The following RP1 variants were observed in gnomAD, a reference collection of about 807,000 sequenced individuals.
RP1 encodes the protein RP1 axonemal microtubule associated, also known as oxygen-regulated protein 1.
Under a neutral mutation model 14.8 loss-of-function variants are expected in RP1, and 16 were observed. The observed-to-expected ratio is 1.08, with a 90% CI of 0.73 to 1.65. The LOEUF (loss-of-function observed/expected upper bound fraction) is 1.65, where lower values mean the gene tolerates loss of function less well. Among genes scored for constraint, RP1 ranks in the 40% most tolerant of loss-of-function variants. RP1 has a pLI of 0.00. For synonymous variants in RP1, 876 were observed against 883.6 expected (o/e 0.99, Z 0.15); for missense variants, 2,631 against 2,535.0 (o/e 1.04, Z -0.81).
chr8:54,608,471 G>A (rs1805513892), intron 1 of RP1, among the ~76,000 whole-genome samples: 1 of 152,100 alleles, frequency 6.6e-6, no homozygotes, highest in African/African-American at 2.4e-5. Context: ...AAATGACTTG[G>A]CCGAAAGAAT....
At chr8:54,753,704 AT>A (rs1344968505) in intron 19 of RP1, among the ~76,000 whole-genome samples, 1 of 152,134 alleles carries the variant, frequency 6.6e-6, no homozygotes, top group African/African-American at 2.4e-5. Flanking sequence ...TGTATTGAGG[AT>A]TTGGGATTTT....
intron 1 of RP1, among the ~76,000 whole-genome samples, chr8:54,570,786 C>G (rs1325874885): frequency 6.6e-6 from 1 of 152,134 alleles, no homozygotes; most frequent in African/African-American, 2.4e-5. Flanking sequence ...CATAATTTAT[C>G]TTTTCAGCCT....
intron 24 of RP1, among the ~76,000 whole-genome samples, chr8:54,830,615 T>A (rs1056760035): frequency 2.6e-5 from 4 of 152,174 alleles, no homozygotes; most frequent in African/African-American, 9.6e-5. Context: ...TAGCATATTG[T>A]TAGATGTTAC....
intron 24 of RP1, among the ~76,000 whole-genome samples, chr8:54,793,462 T>G (rs1810515858): frequency 6.6e-6 from 1 of 152,034 alleles, no homozygotes; most frequent in South Asian, 2.1e-4. Context: ...CAATAGCACA[T>G]TAAAGTATCA....
At chr8:54,864,646 C>A (rs938788703) in intron 27 of RP1, among the ~76,000 whole-genome samples, 1 of 152,160 alleles carries the variant, frequency 6.6e-6, no homozygotes, top group East Asian at 1.9e-4. Flanking sequence ...TGCAGAGCAG[C>A]GCTGCCTGTA....
chr8:54,765,979 T>C (rs868661278), intron 22 of RP1, among the ~76,000 whole-genome samples: 2 of 151,742 alleles, frequency 1.3e-5, no homozygotes, highest in Non-Finnish European at 2.9e-5. Flanking sequence ...ATTTAGCAAA[T>C]ATTTATAGAT....
rs1296136681 is a variant in RP1 at position 54,783,686 on chromosome 8, C to T, written c.3591C>T (p.Asn1197=). 3.2e-6 allele frequency: 4 copies of T among 1,231,244 alleles called. No individual in the cohort carries two copies. The South Asian group carries it at 1.6e-4, about 51-fold the overall frequency. 76.3% of individuals were successfully genotyped at this position (1,231,244 alleles called of 1,614,324 possible). A position where few individuals can be genotyped will look rare whatever the true frequency, so the allele number is the denominator to read the frequency against. ...GATCTGGGAAACACCAGCTGTTTAACCCTAACACTGCAGATATATTCAAGG... is the reference window on the plus strand; with the variant it reads ...GATCTGGGAAACACCAGCTGTTTAATCCTAACACTGCAGATATATTCAAGG... The change falls in exon 24 of 29, where the codon AAC becomes AAT. Residue 1197 remains asparagine (N), a synonymous_variant. Coordinates refer to the RP1 transcript ENST00000637698.
At position 54,627,700 on chromosome 8, in the gene RP1, C is replaced by T. The variant is rs1806109912; in HGVS notation, c.3818C>T (p.Thr1273Ile). Reference sequence around the variant, plus strand: ...AATAAGGCTTATTCTCCAAAAGAGACATGTAACCCCAGTGACACTTTTTTT... The same window carrying T: ...AATAAGGCTTATTCTCCAAAAGAGATATGTAACCCCAGTGACACTTTTTTT... ...TVNKAYSPKETCNPSDTFFPS... is the reference protein window; with the variant it reads ...TVNKAYSPKEICNPSDTFFPS... Residue 1273 changes from threonine to isoleucine, a missense_variant, in exon 4 of 4, where the codon ACA (threonine) becomes ATA (isoleucine). Physicochemically the swap from Thr to Ile is moderately conservative, Grantham distance 89. Transcript: ENST00000220676. 1.2e-6 allele frequency: 2 copies of T among 1,614,140 alleles called. No homozygotes were observed. Among genetic ancestry groups the T allele is most frequent in the Non-Finnish European group, 1.7e-6 (2 of 1,179,972 alleles).
At chr8:54,823,728 G>A (rs190564471) in intron 24 of RP1, among the ~76,000 whole-genome samples, 1 of 152,264 alleles carries the variant, frequency 6.6e-6, no homozygotes, top group Non-Finnish European at 1.5e-5. Context: ...CTCATTTCCA[G>A]TTTGGGGCTG....
chr8:54,639,488 A>G lies in RP1; in HGVS notation c.788-9497A>G, dbSNP rs111318421. Among the ~76,000 whole-genome samples the G allele has an allele frequency of 7.6e-3, 1,163 of 152,258 alleles. 19 individuals are homozygous for G. The highest frequency in any genetic ancestry group is 0.027 in the African/African-American group (1,104 of 41,554). On this transcript the variant is annotated intron_variant, in intron 3 of 22. Transcript: ENST00000636932. ...AATTGTATGTTAATGAGAAATTGCC[A>G]ACTCCTTTCAAAAGTAGTTGTATCA...
At chr8:54,606,763 A>G (rs1320856839) in intron 1 of RP1, among the ~76,000 whole-genome samples, 1 of 151,938 alleles carries the variant, frequency 6.6e-6, no homozygotes, top group African/African-American at 2.4e-5. Flanking sequence ...TTTTTTCTCT[A>G]AACTTCTCTT....
At chr8:54,685,895 A>G (rs1807553036) in intron 12 of RP1, among the ~76,000 whole-genome samples, 1 of 152,168 alleles carries the variant, frequency 6.6e-6, no homozygotes, top group South Asian at 2.1e-4. Flanking sequence ...TCAGGTGGAA[A>G]GGAAACCAGG....
chr8:54,824,199 T>C (rs1811329760), intron 24 of RP1, among the ~76,000 whole-genome samples: 2 of 152,022 alleles, frequency 1.3e-5, no homozygotes, highest in Non-Finnish European at 2.9e-5. Flanking sequence ...AGAAGATAAA[T>C]TACTAATATT....
chr8:54,818,613 C>T (rs1165338922), intron 24 of RP1, among the ~76,000 whole-genome samples: 1 of 152,192 alleles, frequency 6.6e-6, no homozygotes, highest in Non-Finnish European at 1.5e-5. Flanking sequence ...ATGAGGCAGC[C>T]TGCCTAAGGA....
rs987752530 is a variant in RP1, at chr8:54,720,621, C to T, written c.2389+315C>T. Among the ~76,000 whole-genome samples, 18 of 152,030 alleles carry T rather than the reference C, an allele frequency of 1.2e-4. 1 individual carries two copies. The highest frequency in any genetic ancestry group is 4.3e-4 in the African/African-American group (18 of 41,384). On this transcript the variant is annotated intron_variant, in intron 16 of 22. Coordinates refer to the RP1 transcript ENST00000636932. ...TTTTTTAAGGATAGCTTCATGTACC[C>T]TGAGAGGGATGAGGCTGTTAGAAAT...
intron 18 of RP1, among the ~76,000 whole-genome samples, chr8:54,738,623 C>T (rs187969649): frequency 1.3e-4 from 19 of 151,992 alleles, no homozygotes; most frequent in African/African-American, 4.6e-4. Flanking sequence ...GTCATTGGAA[C>T]TCAGAAAGTG....
At chr8:54,614,994 T>C (rs1361411506), upstream of RP1, among the ~76,000 whole-genome samples, 1 of 152,236 alleles carries the variant, frequency 6.6e-6, no homozygotes, top group African/African-American at 2.4e-5. Flanking sequence ...ACTTTTTGAA[T>C]TTGTACTTCA....
At chr8:54,832,588 C>T (rs754039280) in intron 24 of RP1, among the ~76,000 whole-genome samples, 10 of 151,904 alleles carry the variant, frequency 6.6e-5, no homozygotes, top group Non-Finnish European at 1.2e-4. Context: ...CTAATTCCAA[C>T]ATCCATGTTA....
intron 21 of RP1, among the ~76,000 whole-genome samples, chr8:54,755,954 G>A (rs1019700287): frequency 2.0e-5 from 3 of 151,822 alleles, no homozygotes; most frequent in Non-Finnish European, 4.4e-5. Flanking sequence ...AAGAAAAATG[G>A]GACATACTAA....
Sources: gnomAD v4.1 joint callset for allele counts (sites outside exome capture counted in the v4.1 genomes callset) on GRCh38, gnomAD v4.1.1 for gene constraint, MANE v1.5 for transcripts, NCBI Gene and HGNC (gene_info 2026-07-23, HGNC 2026-07-21) for gene names.